KDR: variants seen among roughly 807,000 people sequenced by gnomAD.
KDR encodes the protein vascular endothelial growth factor receptor 2.
Under a neutral mutation model 160.9 loss-of-function variants are expected in KDR, and 43 were observed. That is an observed-to-expected ratio of 0.27 (90% confidence interval 0.21 to 0.34). The LOEUF (loss-of-function observed/expected upper bound fraction) is 0.34. KDR is among the 10% of genes least tolerant of loss of function. KDR has a pLI of 1.00. For missense variants in KDR, 1,469 were observed against 1,666.4 expected (o/e 0.88, Z 2.06); for synonymous variants, 617 against 600.1 (o/e 1.03, Z -0.41).
intron 2 of KDR, among the ~76,000 whole-genome samples, chr4:55,120,278 G>A (rs1434264418): frequency 6.6e-6 from 1 of 152,148 alleles, no homozygotes; most frequent in Non-Finnish European, 1.5e-5. Context: ...CACTCTTCCA[G>A]GAGGGTAACA....
rs1475547961 is a variant in KDR, at chr4:55,101,946, T to C, written c.2217A>G (p.Ala739=). ...CTTTTGCACAGCCAAGAACACTGCA[T>C]GCCTGGCAGGTGTAGAGGCCTTCGT... The part of the protein sequence containing the change: ...KEDEGLYTCQ[A]CSVLGCAKVE... The change falls in exon 15 of 30, where the codon GCA becomes GCG. Residue 739 remains alanine, a synonymous_variant. Transcript: ENST00000263923. The C allele has an allele frequency of 1.2e-6, 2 of 1,613,644 alleles. No individual in the cohort carries two copies. The highest frequency in any genetic ancestry group is 2.2e-5 in the East Asian group (1 of 44,886).
At chr4:55,121,290 C>G in intron 1 of KDR, 100 bp from the exon 2 acceptor site, 2 of 804,066 alleles carry the variant, frequency 2.5e-6, no homozygotes, top group Non-Finnish European at 4.3e-6. Flanking sequence ...TAAAAGGCCT[C>G]TTCAGCAATT....
intron 18 of KDR, 66 bp from the exon 19 acceptor site, chr4:55,096,408 C>T: frequency 1.8e-6 from 2 of 1,139,900 alleles, no homozygotes; most frequent in Non-Finnish European, 2.6e-6. Flanking sequence ...TGGGGTCCCT[C>T]CCTCCCTGCA....
At chr4:55,098,608 A>G (rs890179279) in intron 16 of KDR, 89 bp downstream of exon 16, 2 of 995,992 alleles carry the variant, frequency 2.0e-6, no homozygotes, top group East Asian at 2.4e-5. Context: ...GCCAATAACA[A>G]TGGGAAGAAA....
rs117341472 is a variant in KDR, at chr4:55,080,272, G to A, written c.3849-109C>T. The A allele has an allele frequency of 1.7e-3, 1,565 of 899,944 alleles. 18 individuals are homozygous for A. In the East Asian group the frequency reaches 0.03, roughly 17 times the overall value. 55.7% of individuals were successfully genotyped at this position (899,944 alleles called of 1,614,324 possible). On this transcript the variant is annotated intron_variant, in intron 29 of 29. Transcript: ENST00000263923. ...TATGGCTGCCATCTCCCTGGAGACC[G>A]CAGCCCCGTATCTCTCCCAGTTGTT... is the stretch of plus-strand genomic sequence containing the variant.
chr4:55,083,994 C>T (rs10434441), intron 27 of KDR, among the ~76,000 whole-genome samples: 8,484 of 152,252 alleles, frequency 0.056, 293 homozygotes, highest in Middle Eastern at 0.11. Context: ...AGGAAGCCCT[C>T]ACTGATAATC....
In KDR at chr4:55,094,889, G is replaced by A. The variant is rs1312670638; in HGVS notation, c.2884C>T (p.Arg962Cys). The change falls in exon 21 of 30, where the codon CGC (arginine) becomes TGC (cysteine). Residue 962 changes from arginine to cysteine, a missense_variant. Arg to Cys is a radical substitution (Grantham distance 180). Transcript: ENST00000263923. ...VGAIPVDLKR[R>C]LDSITSSQSS... ...TGGCTACTGGTGATGCTGTCCAAGC[G>A]CCGTTTCAGATCCACAGGGATTGCT... The A allele has an allele frequency of 6.2e-6, 10 of 1,613,710 alleles. No individual in the cohort carries two copies. The highest frequency in any genetic ancestry group is 2.7e-5 in the African/African-American group (2 of 74,888).
intron 1 of KDR, among the ~76,000 whole-genome samples, chr4:55,124,870 C>A (rs924571652): frequency 6.6e-6 from 1 of 152,168 alleles, no homozygotes; most frequent in Non-Finnish European, 1.5e-5. Flanking sequence ...AACTTTTCAC[C>A]GCCTGTTCTC....
chr4:55,125,165 T>C (rs1720998943), intron 1 of KDR, 62 bp downstream of exon 1: 1 of 1,466,250 alleles, frequency 6.8e-7, no homozygotes, highest in African/African-American at 1.4e-5. Context: ...AGATCTGGCT[T>C]TCAGGTCCTC....
In KDR at chr4:55,115,336, GTTTTGT is replaced by G; in HGVS notation, c.428_433del (p.Asn143_Lys144del). 6.6e-7 allele frequency: 1 copy of G among 1,512,298 alleles called. No homozygotes were observed. The highest frequency in any genetic ancestry group is 9.0e-7 in the Non-Finnish European group (1 of 1,107,492). 93.7% of individuals were successfully genotyped at this position (1,512,298 alleles called of 1,614,324 possible). On this transcript the variant is annotated inframe_deletion, in exon 4 of 30. Coordinates refer to ENST00000263923, the MANE Select transcript of KDR (RefSeq NM_002253.4). ...GGACCCGAGACATGGAATCACCACAGTTTTGTTTTTGTTCTCAGTAATGTACACGAC... is the reference window on the plus strand; with the variant it reads ...GGACCCGAGACATGGAATCACCACAGTTTTGTTCTCAGTAATGTACACGAC...
rs758059171 is a variant in KDR, at chr4:55,080,113, T to C, written c.3899A>G (p.Asn1300Ser). 1 of 1,613,968 alleles carries C rather than the reference T, an allele frequency of 6.2e-7. No homozygotes were observed. Among genetic ancestry groups the C allele is most frequent in the Admixed American group, 1.7e-5 (1 of 60,026 alleles). The change falls in exon 30 of 30, where the codon AAC becomes AGC. Residue 1300 changes from asparagine (N) to serine (S), a missense_variant. Transcript: ENST00000263923. ...SRESVASEGS[N>S]QTSGYQSGYH... The stretch of plus-strand genomic sequence containing the variant: ...TCCGGACTGGTAGCCGCTTGTCTGG[T>C]TTGAGCCTTCAGATGCCACAGACTC...
chr4:55,095,046 A>G (rs1318329703), intron 20 of KDR, 91 bp from the exon 21 acceptor site: 4 of 1,282,686 alleles, frequency 3.1e-6, no homozygotes, highest in Non-Finnish European at 4.5e-6. Context: ...AACCATGGAG[A>G]TAATTGAAAC....
In KDR at chr4:55,125,475, G is replaced by A. The variant is rs1249333253; in HGVS notation, c.-182C>T. On this transcript the variant is annotated 5_prime_UTR_variant, in exon 1 of 30. Transcript: ENST00000263923. ...GCTGCAGGGGCGTCTGCGGGTGCCG[G>A]TAGGAGAGGATATCCAGGCTGCCAG... is the stretch of plus-strand genomic sequence containing the variant. 5.9e-6 allele frequency: 4 copies of A among 672,620 alleles called. No individual in the cohort carries two copies. In the African/African-American group the frequency reaches 7.2e-5, roughly 12 times the overall value. The allele number at this position is 672,620 out of a possible 1,614,324, so 41.7% of individuals were successfully genotyped here. A position where few individuals can be genotyped will look rare whatever the true frequency, so the allele number is the denominator to read the frequency against.
rs1719764008 is a variant in KDR at position 55,082,592 on chromosome 4, C to G, written c.3706G>C (p.Val1236Leu). 1 of 1,613,792 alleles carries G rather than the reference C, an allele frequency of 6.2e-7. No individual in the cohort carries two copies. Among genetic ancestry groups the G allele is most frequent in the Non-Finnish European group, 8.5e-7 (1 of 1,179,878 alleles). ...NSKRKSRPVS[V>L]KTFEDIPLEE... ...AACGGGATATCTTCAAATGTTTTTA[C>G]ACTCACAGGCCGGCTCTTTCGCTTA... Residue 1236 changes from valine (V) to leucine (L), a missense_variant, in exon 28 of 30, where the codon GTA becomes CTA. Physicochemically the swap from Val to Leu is conservative, Grantham distance 32. Around this residue, in one of 7 missense-constraint regions of KDR, gnomAD observed 229 missense variants for 197.8 expected, o/e 1.16. Coordinates refer to ENST00000263923, the MANE Select transcript of KDR (RefSeq NM_002253.4).
Position 55,078,747 on chromosome 4 carries a change from G to A in KDR, c.*1194C>T. On this transcript the variant is annotated 3_prime_UTR_variant, in exon 30 of 30. Coordinates refer to ENST00000263923, the MANE Select transcript of KDR (RefSeq NM_002253.4). ...TTTTGAAAAAAAGGACAGAACAAGG[G>A]CAAAAATCAGTAGAAATAGCTCTAT... 4.3e-6 allele frequency: 1 copy of A among 232,540 alleles called. No individual in the cohort carries two copies. Among genetic ancestry groups the A allele is most frequent in the Non-Finnish European group, 8.5e-6 (1 of 117,712 alleles). The allele number at this position is 232,540 out of a possible 1,614,324, so 14.4% of individuals were successfully genotyped here. A position where few individuals can be genotyped will look rare whatever the true frequency, so the allele number is the denominator to read the frequency against.
intron 10 of KDR, 114 bp from the exon 11 acceptor site, chr4:55,106,924 G>A (rs565857621): frequency 4.3e-5 from 39 of 916,188 alleles, no homozygotes; most frequent in Non-Finnish European, 6.4e-5. Flanking sequence ...AACTTCCAAC[G>A]CAGCCTACCA....
At position 55,079,913 on chromosome 4, in the gene KDR, C is replaced by T. The variant is rs750117341; in HGVS notation, c.*28G>A. ...TGAGCAGCACCTCTCATGTGATGTC[C>T]AGGAGTTGGGGGTGTGGATGCTTCC... On this transcript the variant is annotated 3_prime_UTR_variant, in exon 30 of 30. Transcript: ENST00000263923. 3.2e-6 allele frequency: 5 copies of T among 1,573,804 alleles called. No individual in the cohort carries two copies. Among genetic ancestry groups the T allele is most frequent in the East Asian group, 2.2e-5 (1 of 44,682 alleles).
At chr4:55,080,825 T>C (rs1719713341) in intron 29 of KDR, among the ~76,000 whole-genome samples, 1 of 152,174 alleles carries the variant, frequency 6.6e-6, no homozygotes, top group South Asian at 2.1e-4. Context: ...CAGGCTGTGT[T>C]GATCTAAAAC....
intron 5 of KDR, 129 bp downstream of exon 5, chr4:55,114,745 A>G (rs1468783185): frequency 3.8e-6 from 3 of 797,686 alleles, no homozygotes; most frequent in Admixed American, 4.1e-5. Context: ...AGAAGAGCAG[A>G]TGAATTGCCC....
Sources: allele counts gnomAD v4.1 joint callset (sites outside exome capture counted in the v4.1 genomes callset), GRCh38; gene constraint gnomAD v4.1.1; regional missense constraint gnomAD v4.1.1; transcripts MANE v1.5; gene names NCBI Gene and HGNC (gene_info 2026-07-23, HGNC 2026-07-21).